SCTR: variants seen among roughly 807,000 people sequenced by gnomAD.
The protein encoded by SCTR is pancreatic secretin receptor.
A neutral mutation model predicts 60.8 loss-of-function variants in SCTR; 56 were observed. The observed-to-expected ratio is 0.92, with a 90% CI of 0.74 to 1.15. The LOEUF (loss-of-function observed/expected upper bound fraction) is 1.15. Among genes scored for constraint, SCTR ranks in the 50% most tolerant of loss-of-function variants. The pLI, the probability that SCTR is intolerant of heterozygous loss-of-function variation, is 0.00. For missense variants in SCTR, 562 were observed against 550.4 expected (o/e 1.02, Z -0.21); for synonymous variants, 202 against 217.0 (o/e 0.93, Z 0.61).
At chr2:119,515,672 C>CA (rs1407483336) in intron 1 of SCTR, among the ~76,000 whole-genome samples, 1 of 152,194 alleles carries the variant, frequency 6.6e-6, no homozygotes, top group Non-Finnish European at 1.5e-5. Flanking sequence ...AGAACTTGCA[C>CA]AAGTGGTCCC....
chr2:119,447,159 C>G (rs1379429716), intron 10 of SCTR, among the ~76,000 whole-genome samples: 1 of 151,982 alleles, frequency 6.6e-6, no homozygotes, highest in African/African-American at 2.4e-5. Flanking sequence ...GTACCTACAC[C>G]ATTAACTTTA....
chr2:119,440,105 T>G lies in SCTR; in HGVS notation c.*12A>C. The stretch of plus-strand genomic sequence containing the variant: ...CTTGGTCTCTGTCCGTGGGTGACCC[T>G]GCTCCAGCCTCTCAGATGATGCTGG... On this transcript the variant is annotated 3_prime_UTR_variant, in exon 13 of 13. Transcript: ENST00000019103. 1 of 1,612,362 alleles carries G rather than the reference T, an allele frequency of 6.2e-7. No homozygotes were observed. Among genetic ancestry groups the G allele is most frequent in the South Asian group, 1.1e-5 (1 of 90,852 alleles).
chr2:119,500,157 A>C (rs978694649), intron 1 of SCTR, among the ~76,000 whole-genome samples: 2 of 151,684 alleles, frequency 1.3e-5, no homozygotes, highest in Non-Finnish European at 2.9e-5. Flanking sequence ...ACAGTATTTC[A>C]CCCCAGTTAG....
At chr2:119,462,763 A>C (rs1866454) in intron 6 of SCTR, among the ~76,000 whole-genome samples, 21,656 of 152,258 alleles carry the variant, frequency 0.14, 1,766 homozygotes, top group East Asian at 0.3. Context: ...TGCAAAGACA[A>C]GCCCGAGAAG....
rs571581987 is a variant in SCTR, at chr2:119,522,684, G to A, written c.72+1471C>T. ...GTCCTGCACTCGAGGTACCAGTTACGACAGTCTCAGAGTCACTGCAAATAC... is the reference window on the plus strand; with the variant it reads ...GTCCTGCACTCGAGGTACCAGTTACAACAGTCTCAGAGTCACTGCAAATAC... On this transcript the variant is annotated intron_variant, in intron 1 of 12. Transcript: ENST00000019103. 2.0e-5 allele frequency among the ~76,000 whole-genome samples: 3 copies of A among 152,236 alleles called. No individual in the cohort carries two copies. In the South Asian group the frequency reaches 6.2e-4, roughly 32 times the overall value.
chr2:119,520,702 G>A (rs1679261636), intron 1 of SCTR, among the ~76,000 whole-genome samples: 1 of 152,158 alleles, frequency 6.6e-6, no homozygotes, highest in Non-Finnish European at 1.5e-5. Flanking sequence ...AAAAAGATGG[G>A]AAGGGAGGGT....
At chr2:119,464,949 C>A (rs991822620) in intron 5 of SCTR, among the ~76,000 whole-genome samples, 12 of 152,162 alleles carry the variant, frequency 7.9e-5, no homozygotes, top group African/African-American at 2.9e-4. Context: ...CTTTTCACTT[C>A]CCGGAGCCTC....
At chr2:119,514,374 T>C (rs1190383499) in intron 1 of SCTR, among the ~76,000 whole-genome samples, 1 of 152,166 alleles carries the variant, frequency 6.6e-6, no homozygotes, top group East Asian at 1.9e-4. Context: ...TTCCAAAGCA[T>C]GCAAACTTGG....
intron 1 of SCTR, among the ~76,000 whole-genome samples, chr2:119,519,824 AAAAG>A (rs1389336211): frequency 0.13 from 14,999 of 117,346 alleles, 1,387 homozygotes; most frequent in Non-Finnish European, 0.19. Context: ...AAAAAAAAAA[AAAAG>A]AAAAAAAGAA....
chr2:119,466,320 C>T (rs1215518170), intron 4 of SCTR, among the ~76,000 whole-genome samples: 3 of 152,124 alleles, frequency 2.0e-5, no homozygotes, highest in Admixed American at 6.5e-5. Context: ...TCTTCTGGAT[C>T]CACTTAAAAT....
chr2:119,464,951 C>T (rs1452477471), intron 5 of SCTR, among the ~76,000 whole-genome samples: 3 of 152,126 alleles, frequency 2.0e-5, no homozygotes, highest in East Asian at 1.9e-4. Flanking sequence ...TTTCACTTCC[C>T]GGAGCCTCAG....
In SCTR at chr2:119,522,309, A is replaced by G. The variant is rs560025284; in HGVS notation, c.72+1846T>C. On this transcript the variant is annotated intron_variant, in intron 1 of 12. Transcript: ENST00000019103. ...GAAACTCTGTCTCAAAAGAAAAAAA[A>G]AAAAGAAAAAGAAAAAGGAAATACA... Among the ~76,000 whole-genome samples the G allele has an allele frequency of 1.3e-4, 20 of 152,162 alleles. No homozygotes were observed. In the South Asian group the frequency reaches 2.7e-3, roughly 21 times the overall value.
chr2:119,490,632 C>G (rs956388067), intron 2 of SCTR, among the ~76,000 whole-genome samples: 1 of 152,192 alleles, frequency 6.6e-6, no homozygotes, highest in African/African-American at 2.4e-5. Context: ...CTGGATTCTC[C>G]ATCTCTCACC....
chr2:119,476,131 G>A (rs773490317), intron 3 of SCTR, among the ~76,000 whole-genome samples: 4 of 152,158 alleles, frequency 2.6e-5, no homozygotes, highest in Non-Finnish European at 5.9e-5. Context: ...CTCACTGGGC[G>A]CTCCCCCTGG....
At chr2:119,476,554 C>T (rs930948483) in intron 3 of SCTR, 2 of 152,126 alleles carry the variant, frequency 1.3e-5, no homozygotes, top group African/African-American at 4.8e-5. Context: ...GAGGGAGACA[C>T]TGAGCCTTTA....
chr2:119,507,290 G>A (rs572396314), intron 1 of SCTR, among the ~76,000 whole-genome samples: 30 of 152,320 alleles, frequency 2.0e-4, no homozygotes, highest in Non-Finnish European at 3.8e-4. Flanking sequence ...TGTACAGTAT[G>A]ATTGTAATTA....
At chr2:119,496,207 G>A (rs1024699127) in intron 1 of SCTR, among the ~76,000 whole-genome samples, 2 of 152,244 alleles carry the variant, frequency 1.3e-5, no homozygotes, top group African/African-American at 4.8e-5. Context: ...TAGTTCACTG[G>A]TCAGCACACA....
At chr2:119,495,787 T>C (rs866702809) in intron 1 of SCTR, among the ~76,000 whole-genome samples, 4 of 152,280 alleles carry the variant, frequency 2.6e-5, no homozygotes, top group South Asian at 2.1e-4. Flanking sequence ...ATGTTCCCCA[T>C]GAAAAACACA....
chr2:119,520,424 G>A (rs887084300), intron 1 of SCTR, among the ~76,000 whole-genome samples: 2 of 152,184 alleles, frequency 1.3e-5, no homozygotes, highest in African/African-American at 4.8e-5. Context: ...ACTTGAGCCA[G>A]GAAGTTCAAG....
Sources: allele counts gnomAD v4.1 joint callset (sites outside exome capture counted in the v4.1 genomes callset), GRCh38; gene constraint gnomAD v4.1.1; transcripts MANE v1.5; gene names NCBI Gene and HGNC (gene_info 2026-07-23, HGNC 2026-07-21).